ZNF337: variants seen among roughly 807,000 people sequenced by gnomAD.
The protein encoded by ZNF337 is zinc finger protein 337.
In ZNF337, 8 loss-of-function variants were observed where a neutral mutation model predicts 12.1. The ratio of observed to expected loss-of-function variants is 0.66; its 90% CI spans 0.39 to 1.19. ZNF337 has a LOEUF of 1.19. ZNF337 is among the 50% of genes most tolerant of loss of function. The probability of loss-of-function intolerance (pLI) is 0.01; values close to 1 mark genes in which losing one functional copy is unlikely to be tolerated. For synonymous variants in ZNF337, 336 were observed against 320.0 expected, an observed-to-expected ratio of 1.05 and a Z score of -0.53; for missense variants, 882 against 896.6, an observed-to-expected ratio of 0.98 and a Z score of 0.21.
In ZNF337 at chr20:25,696,842, G is replaced by A. The variant is rs1330674989; in HGVS notation, c.-133C>T. On this transcript the variant is annotated 5_prime_UTR_variant, in exon 1 of 5. Coordinates refer to ENST00000252979, the MANE Select transcript of ZNF337 (RefSeq NM_015655.4). ...ACGGCTCGCTGACGCCCAGGGATCTGGAACGCTCTGCGCCGCCCGGGACTA... is the reference window on the plus strand; with the variant it reads ...ACGGCTCGCTGACGCCCAGGGATCTAGAACGCTCTGCGCCGCCCGGGACTA... 1 of 984,874 alleles carries A rather than the reference G, an allele frequency of 1.0e-6. No individual in the cohort carries two copies. The highest frequency in any genetic ancestry group is 1.2e-6 in the Non-Finnish European group (1 of 829,520). The allele number at this position is 984,874 out of a possible 1,614,324, so 61.0% of individuals were successfully genotyped here.
At chr20:25,693,860 G>A (rs1435046387) in intron 1 of ZNF337, among the ~76,000 whole-genome samples, 1 of 152,188 alleles carries the variant, frequency 6.6e-6, no homozygotes, top group African/African-American at 2.4e-5. Flanking sequence ...GGGAGTGGAG[G>A]AAGAGGAGCT....
At chr20:25,678,306 A>G (rs989889026) in intron 4 of ZNF337, among the ~76,000 whole-genome samples, 3 of 152,182 alleles carry the variant, frequency 2.0e-5, no homozygotes, top group Non-Finnish European at 2.9e-5. Context: ...ACAAAAAAGT[A>G]TATGAATAAA....
intron 1 of ZNF337, 167 bp from the exon 2 acceptor site, chr20:25,686,633 C>T (rs894734766): frequency 3.5e-6 from 2 of 573,054 alleles, no homozygotes; most frequent in Non-Finnish European, 6.1e-6. Flanking sequence ...CCTGCAAATC[C>T]AGGACAAGCT....
intron 1 of ZNF337, among the ~76,000 whole-genome samples, chr20:25,689,388 T>G (rs2065865039): frequency 6.6e-6 from 1 of 152,230 alleles, no homozygotes; most frequent in African/African-American, 2.4e-5. Context: ...AAACTCTATT[T>G]GGCTAGAATA....
Position 25,675,431 on chromosome 20 carries a change from C to G in ZNF337, c.1857G>C (p.Gln619His), listed in dbSNP as rs754710429. 1 of 1,613,960 alleles carries G rather than the reference C, an allele frequency of 6.2e-7. No homozygotes were observed. Among genetic ancestry groups the G allele is most frequent in the Non-Finnish European group, 8.5e-7 (1 of 1,179,996 alleles). The change falls in exon 5 of 5, where the codon CAG becomes CAC. Residue 619 changes from glutamine to histidine, a missense_variant. By Grantham distance (24) the Gln-to-His change is conservative. Coordinates refer to ENST00000252979, the MANE Select transcript of ZNF337 (RefSeq NM_015655.4). ...AAGGCTGCTTGCCAGAATGTGCAAG[C>G]TGGTGTTTCACAAGATTTGACTTCC... is the stretch of plus-strand genomic sequence containing the variant. ...FIWKSNLVKHQLAHSGKQPFV... is the reference protein window; with the variant it reads ...FIWKSNLVKHHLAHSGKQPFV...
chr20:25,683,628 A>G (rs6132856), intron 4 of ZNF337, among the ~76,000 whole-genome samples: 1 of 152,334 alleles, frequency 6.6e-6, no homozygotes, highest in East Asian at 1.9e-4. Context: ...ACTGGCCATC[A>G]GAGAAATGCA....
chr20:25,693,948 CTCT>C (rs775530671), intron 1 of ZNF337, among the ~76,000 whole-genome samples: 3 of 151,628 alleles, frequency 2.0e-5, no homozygotes, highest in Non-Finnish European at 2.9e-5. Context: ...AGGGTAGAGC[CTCT>C]TCTTGTTAAA....
chr20:25,686,717 A>C (rs1555886077), intron 1 of ZNF337: 27 of 471,752 alleles, frequency 5.7e-5, no homozygotes, highest in Non-Finnish European at 3.4e-5. Flanking sequence ...TAAAAGGATG[A>C]GGAACACCTG....
Position 25,676,665 on chromosome 20 carries a change from A to G in ZNF337, c.623T>C (p.Phe208Ser), listed in dbSNP as rs764075801. The stretch of plus-strand genomic sequence containing the variant: ...GCCCTGGTGACACTCCCTGCATGTA[A>G]AAAGTTTCTGCCTGGAATGTGCTTT... ...HKKAHSRQKL[F>S]TCRECHQGFR... Residue 208 changes from phenylalanine to serine, a missense_variant, in exon 5 of 5, where the codon TTT (phenylalanine) becomes TCT (serine). Transcript: ENST00000252979. 4.3e-6 allele frequency: 7 copies of G among 1,614,190 alleles called. No individual in the cohort carries two copies. The highest frequency in any genetic ancestry group is 5.1e-6 in the Non-Finnish European group (6 of 1,180,046).
chr20:25,689,249 A>G (rs1600449840), intron 1 of ZNF337, among the ~76,000 whole-genome samples: 1 of 152,036 alleles, frequency 6.6e-6, no homozygotes, highest in African/African-American at 2.4e-5. Flanking sequence ...GCTTGCAGTG[A>G]GCGGAGACCG....
chr20:25,691,532 G>T (rs759118856), intron 1 of ZNF337, among the ~76,000 whole-genome samples: 3 of 152,198 alleles, frequency 2.0e-5, no homozygotes, highest in Admixed American at 6.5e-5. Context: ...AGGACTGGCA[G>T]GGGGAGAGAA....
At chr20:25,684,022 C>T (rs1053801855) in intron 4 of ZNF337, among the ~76,000 whole-genome samples, 33 of 151,910 alleles carry the variant, frequency 2.2e-4, no homozygotes, top group African/African-American at 7.5e-4. Flanking sequence ...ACTATGCAGC[C>T]GTAAAAAATG....
Position 25,676,562 on chromosome 20 carries a change from C to T in ZNF337, c.726G>A (p.Gly242=), listed in dbSNP as rs1159627840. Residue 242 remains glycine, a synonymous_variant, in exon 5 of 5, where the codon GGG becomes GGA. Coordinates refer to ENST00000252979, the MANE Select transcript of ZNF337 (RefSeq NM_015655.4). ...GEKSYVCSVC[G]RGFSLKANLL... ...GGTTGGCCTTGAGGCTGAAGCCTCGCCCACACACACTGCACACATAGGACT... is the reference window on the plus strand; with the variant it reads ...GGTTGGCCTTGAGGCTGAAGCCTCGTCCACACACACTGCACACATAGGACT... The T allele has an allele frequency of 1.2e-6, 2 of 1,614,100 alleles. No homozygotes were observed. Among genetic ancestry groups the T allele is most frequent in the East Asian group, 2.2e-5 (1 of 44,862 alleles).
intron 4 of ZNF337, among the ~76,000 whole-genome samples, chr20:25,678,921 G>A (rs1600436062): frequency 6.6e-6 from 1 of 152,186 alleles, no homozygotes; most frequent in East Asian, 1.9e-4. Flanking sequence ...CTGCCTGGGT[G>A]GACAGAGCAA....
intron 4 of ZNF337, among the ~76,000 whole-genome samples, chr20:25,682,786 G>T (rs552048151): frequency 3.3e-4 from 50 of 151,624 alleles, no homozygotes; most frequent in African/African-American, 1.2e-3. Context: ...AAGGAGCCAA[G>T]ATCGCGCCAT....
At chr20:25,693,958 T>TA (rs143372350) in intron 1 of ZNF337, among the ~76,000 whole-genome samples, 3,532 of 150,636 alleles carry the variant, frequency 0.023, 127 homozygotes, top group African/African-American at 0.079. Context: ...CTCTTCTTGT[T>TA]AAAAAAAAAG....
Position 25,675,733 on chromosome 20 carries a change from T to G in ZNF337, c.1555A>C (p.Arg519=), listed in dbSNP as rs1216165610. 6.2e-7 allele frequency: 1 copy of G among 1,614,020 alleles called. No individual in the cohort carries two copies. Among genetic ancestry groups the G allele is most frequent in the Non-Finnish European group, 8.5e-7 (1 of 1,180,002 alleles). The part of the protein sequence containing the change: ...AHLGEKRFFC[R]DCGRGFTLKP... ...AAGGTAAAGCCTCGCCCACAATCCC[T>G]GCAGAAAAAACGTTTCTCACCCAAG... Residue 519 remains arginine, a synonymous_variant, in exon 5 of 5, where the codon AGG becomes CGG. Transcript: ENST00000252979.
rs1422833284 is a variant in ZNF337, at chr20:25,675,531, G to A, written c.1757C>T (p.Thr586Ile). 1 of 1,613,156 alleles carries A rather than the reference G, an allele frequency of 6.2e-7. No individual in the cohort carries two copies. Among genetic ancestry groups the A allele is most frequent in the Non-Finnish European group, 8.5e-7 (1 of 1,179,760 alleles). Residue 586 changes from threonine to isoleucine, a missense_variant, in exon 5 of 5, where the codon ACT (threonine) becomes ATT (isoleucine). Transcript: ENST00000252979. The stretch of plus-strand genomic sequence containing the variant: ...GTGTGTCTTCTGGTGGAAGAGGAGA[G>A]TTGATTTTAGGATGAAGCCTCGCCC... ...DCGRGFILKSTLLFHQKTHSG... is the reference protein window; with the variant it reads ...DCGRGFILKSILLFHQKTHSG...
chr20:25,690,080 G>A (rs2065871849), intron 1 of ZNF337, among the ~76,000 whole-genome samples: 1 of 152,142 alleles, frequency 6.6e-6, no homozygotes, highest in Non-Finnish European at 1.5e-5. Flanking sequence ...GATCCCAGGA[G>A]TTCGGGACCA....
Sources: allele counts gnomAD v4.1 joint callset (sites outside exome capture counted in the v4.1 genomes callset), GRCh38; gene constraint gnomAD v4.1.1; transcripts MANE v1.5; gene names NCBI Gene and HGNC (gene_info 2026-07-23, HGNC 2026-07-21).